Variants in KLF12 observed in about 807,000 individuals in gnomAD.
KLF12 encodes KLF transcription factor 12.
In KLF12, 9 loss-of-function variants were observed where a neutral mutation model predicts 37.8. The observed-to-expected ratio is 0.24, with a 90% CI of 0.14 to 0.42. KLF12 has a LOEUF of 0.42. Among genes scored for constraint, KLF12 ranks in the 10% least tolerant of loss-of-function variants. The pLI, the probability that KLF12 is intolerant of heterozygous loss-of-function variation, is 1.00. For synonymous variants in KLF12, 208 were observed against 202.1 expected, an observed-to-expected ratio of 1.03 and a Z score of -0.25; for missense variants, 411 against 516.0, an observed-to-expected ratio of 0.80 and a Z score of 1.97.
At chr13:73,962,569 C>T (rs745715444) in intron 2 of KLF12, among the ~76,000 whole-genome samples, 1 of 152,036 alleles carries the variant, frequency 6.6e-6, no homozygotes, top group Non-Finnish European at 1.5e-5. Flanking sequence ...AAGGAGGTTG[C>T]GTATGTGTAG....
rs1190433058 is a variant in KLF12, at chr13:73,694,269, T to C, written c.*1221A>G. The C allele has an allele frequency of 6.6e-6, 1 of 152,518 alleles. No homozygotes were observed. Among genetic ancestry groups the C allele is most frequent in the East Asian group, 1.9e-4 (1 of 5,182 alleles). The allele number at this position is 152,518 out of a possible 1,614,324, so 9.4% of individuals were successfully genotyped here. A position where few individuals can be genotyped will look rare whatever the true frequency, so the allele number is the denominator to read the frequency against. ...CTCCCTTGCCTTTCTAGTCACCAAATAACTGTTTTCAAACAAGAAAAGGGG... is the reference window on the plus strand; with the variant it reads ...CTCCCTTGCCTTTCTAGTCACCAAACAACTGTTTTCAAACAAGAAAAGGGG... On this transcript the variant is annotated 3_prime_UTR_variant, in exon 8 of 8. Transcript: ENST00000377669.
the KLF12 span, among the ~76,000 whole-genome samples, chr13:74,242,630 A>T: frequency 6.6e-6 from 1 of 152,230 alleles, no homozygotes; most frequent in Non-Finnish European, 1.5e-5. Context: ...AGACGTAACA[A>T]AGTCATGAGG....
chr13:74,283,165 A>G, the KLF12 span, among the ~76,000 whole-genome samples: 6 of 152,340 alleles, frequency 3.9e-5, 1 homozygote, highest in African/African-American at 1.4e-4. Context: ...AACTTCACCG[A>G]AGAGTCTTTT....
At chr13:73,981,197 A>G (rs1026399602) in intron 2 of KLF12, among the ~76,000 whole-genome samples, 1 of 152,124 alleles carries the variant, frequency 6.6e-6, no homozygotes, top group African/African-American at 2.4e-5. Flanking sequence ...TTGCAACTAC[A>G]TGGGAAAACA....
chr13:73,947,648 C>CAAA (rs11378611), intron 2 of KLF12, among the ~76,000 whole-genome samples: 27,803 of 85,380 alleles, frequency 0.33, 5,158 homozygotes, highest in East Asian at 0.51. Flanking sequence ...GAGACGGTCT[C>CAAA]AAAAAAAAAA....
chr13:74,068,903 C>T lies in KLF12; in HGVS notation c.-32+64836G>A, dbSNP rs1874069781. ...GTATGTATACATCATCTTTATACTCCTCTATCTTTTAACTAACTTTTTGAC... is the reference window on the plus strand; with the variant it reads ...GTATGTATACATCATCTTTATACTCTTCTATCTTTTAACTAACTTTTTGAC... On this transcript the variant is annotated intron_variant, in intron 1 of 7. Transcript: ENST00000377669. 2.0e-5 allele frequency among the ~76,000 whole-genome samples: 3 copies of T among 152,254 alleles called. No homozygotes were observed. The South Asian group carries it at 6.2e-4, about 32-fold the overall frequency.
chr13:74,035,879 CT>C (rs544332919), intron 1 of KLF12, among the ~76,000 whole-genome samples: 1 of 152,202 alleles, frequency 6.6e-6, no homozygotes, highest in South Asian at 2.1e-4. Flanking sequence ...ATTTAGAAAG[CT>C]TTTTTACTTT....
At chr13:73,894,261 C>G (rs1011142088) in intron 3 of KLF12, among the ~76,000 whole-genome samples, 3 of 152,188 alleles carry the variant, frequency 2.0e-5, no homozygotes, top group Admixed American at 2.0e-4. Context: ...ATCTATAAAA[C>G]TTTTCGCTCT....
At chr13:74,184,056 G>A in the KLF12 span, among the ~76,000 whole-genome samples, 1 of 152,164 alleles carries the variant, frequency 6.6e-6, no homozygotes, top group Admixed American at 6.5e-5. Context: ...CTCAGCATCA[G>A]GGAACTTGAT....
At chr13:74,131,258 G>C (rs981566167) in intron 1 of KLF12, among the ~76,000 whole-genome samples, 2 of 152,144 alleles carry the variant, frequency 1.3e-5, no homozygotes, top group Admixed American at 6.5e-5. Flanking sequence ...ACAGGAGTCA[G>C]GGAAAATATC....
intron 4 of KLF12, among the ~76,000 whole-genome samples, chr13:73,843,456 C>T (rs951626035): frequency 9.9e-5 from 15 of 152,046 alleles, no homozygotes; most frequent in East Asian, 5.8e-4. Context: ...TACAGGCGTG[C>T]GCCACCACCC....
chr13:73,797,458 C>A (rs1300427725), intron 5 of KLF12, among the ~76,000 whole-genome samples: 2 of 152,156 alleles, frequency 1.3e-5, no homozygotes, highest in African/African-American at 4.8e-5. Context: ...AGACAGAATG[C>A]AGTAAAGAGC....
chr13:74,027,854 TTTAA>T (rs1017452303), intron 1 of KLF12, among the ~76,000 whole-genome samples: 4 of 152,212 alleles, frequency 2.6e-5, no homozygotes, highest in Non-Finnish European at 4.4e-5. Context: ...AAAGAGTCTT[TTTAA>T]TTTAGTTTCA....
At chr13:74,028,450 A>G (rs1261129730) in intron 1 of KLF12, among the ~76,000 whole-genome samples, 1 of 152,176 alleles carries the variant, frequency 6.6e-6, no homozygotes, top group Non-Finnish European at 1.5e-5. Context: ...TATCAAGTAA[A>G]TGTGGTGGTT....
At chr13:74,290,045 C>A in the KLF12 span, among the ~76,000 whole-genome samples, 18 of 152,102 alleles carry the variant, frequency 1.2e-4, no homozygotes, top group Non-Finnish European at 2.5e-4. Flanking sequence ...TAAATTATCT[C>A]ATCAGCTTCA....
chr13:74,275,870 C>CTTT, the KLF12 span, among the ~76,000 whole-genome samples: 1 of 96,010 alleles, frequency 1.0e-5, no homozygotes, highest in African/African-American at 4.2e-5. Flanking sequence ...TTCTTTCTAT[C>CTTT]TTTCTTTCTT....
At chr13:74,029,940 G>A (rs1950967751) in intron 1 of KLF12, among the ~76,000 whole-genome samples, 1 of 152,068 alleles carries the variant, frequency 6.6e-6, no homozygotes, top group South Asian at 2.1e-4. Context: ...CACAGGAAGA[G>A]CCTGATTCAC....
At chr13:74,161,499 C>T in the KLF12 span, among the ~76,000 whole-genome samples, 28 of 152,122 alleles carry the variant, frequency 1.8e-4, no homozygotes, top group East Asian at 9.7e-4. Flanking sequence ...AGGTATGCCA[C>T]GGGGTGCCAG....
the KLF12 span, among the ~76,000 whole-genome samples, chr13:74,284,666 A>G: frequency 6.6e-6 from 1 of 152,168 alleles, no homozygotes; most frequent in Non-Finnish European, 1.5e-5. Flanking sequence ...TGACAGACAG[A>G]TCCAATGGCT....
Sources: gnomAD v4.1 joint callset for allele counts (sites outside exome capture counted in the v4.1 genomes callset) on GRCh38, gnomAD v4.1.1 for gene constraint, MANE v1.5 for transcripts, NCBI Gene and HGNC (gene_info 2026-07-23, HGNC 2026-07-21) for gene names.